The following SLC6A11 variants were observed in gnomAD, a reference collection of about 807,000 sequenced individuals.
SLC6A11 encodes sodium- and chloride-dependent GABA transporter 3.
In SLC6A11, 25 loss-of-function variants were observed where a neutral mutation model predicts 74.8. The observed-to-expected ratio is 0.33, with a 90% confidence interval of 0.24 to 0.47. The LOEUF is 0.47. SLC6A11 is among the 20% of genes least tolerant of loss of function. The probability of loss-of-function intolerance (pLI) is 1.00; values close to 1 mark genes in which losing one functional copy is unlikely to be tolerated. For synonymous variants in SLC6A11, 330 were observed against 330.2 expected, an observed-to-expected ratio of 1.00 and a Z score of 0.01; for missense variants, 574 against 837.0, an observed-to-expected ratio of 0.69 and a Z score of 3.88.
At chr3:10,869,386 C>T (rs1464334125) in intron 5 of SLC6A11, among the ~76,000 whole-genome samples, 1 of 152,204 alleles carries the variant, frequency 6.6e-6, no homozygotes, top group Non-Finnish European at 1.5e-5. Context: ...CCACTCTGAG[C>T]CTCGTCTTCC....
intron 9 of SLC6A11, 35 bp from the exon 10 acceptor site, chr3:10,929,167 C>A: frequency 6.2e-7 from 1 of 1,609,660 alleles, no homozygotes; most frequent in Non-Finnish European, 8.5e-7. Context: ...GCAGCCTTGT[C>A]CTTGAGTTTC....
At chr3:10,828,020 C>G (rs972917679) in intron 4 of SLC6A11, among the ~76,000 whole-genome samples, 1 of 152,164 alleles carries the variant, frequency 6.6e-6, no homozygotes, top group Non-Finnish European at 1.5e-5. Flanking sequence ...ATCCTCGTTT[C>G]CCTTAGTAAC....
chr3:10,907,304 A>C (rs1279428399), intron 6 of SLC6A11, among the ~76,000 whole-genome samples: 1 of 152,286 alleles, frequency 6.6e-6, no homozygotes, highest in East Asian at 1.9e-4. Context: ...GATATGACAA[A>C]GCAAACAGAA....
intron 4 of SLC6A11, among the ~76,000 whole-genome samples, chr3:10,839,882 G>A (rs1694415328): frequency 1.3e-5 from 2 of 152,160 alleles, no homozygotes; most frequent in South Asian, 2.1e-4. Context: ...TGAGCCTGGT[G>A]TCAGCCTAGC....
At chr3:10,888,680 T>C (rs2106614166) in intron 6 of SLC6A11, among the ~76,000 whole-genome samples, 1 of 152,314 alleles carries the variant, frequency 6.6e-6, no homozygotes, top group South Asian at 2.1e-4. Context: ...TGCTGTCTCA[T>C]AGAGGAGAGA....
In SLC6A11 at chr3:10,845,028, C is replaced by T. The variant is rs533028406; in HGVS notation, c.756+682C>T. On this transcript the variant is annotated intron_variant, in intron 5 of 13. Coordinates refer to ENST00000254488, the MANE Select transcript of SLC6A11 (RefSeq NM_014229.3). ...ACCATGGGGACATCTGGGGAGTGAG[C>T]ATGCTGTGCACTGCAAGGATCAGTA... 3.3e-5 allele frequency among the ~76,000 whole-genome samples: 5 copies of T among 152,294 alleles called. No individual in the cohort carries two copies. In the East Asian group the frequency reaches 9.6e-4, roughly 29 times the overall value.
At chr3:10,825,335 C>G (rs1476666717) in intron 4 of SLC6A11, 1 of 152,194 alleles carries the variant, frequency 6.6e-6, no homozygotes, top group East Asian at 1.9e-4. Context: ...TCACATTTCT[C>G]TAATTACTTG....
At chr3:10,882,479 A>G (rs990074822) in intron 6 of SLC6A11, among the ~76,000 whole-genome samples, 1 of 152,058 alleles carries the variant, frequency 6.6e-6, no homozygotes, top group African/African-American at 2.4e-5. Context: ...TTCTCCACCC[A>G]CTAGGATGTA....
At chr3:10,884,700 C>G (rs138950207) in intron 6 of SLC6A11, among the ~76,000 whole-genome samples, 70 of 152,308 alleles carry the variant, frequency 4.6e-4, no homozygotes, top group African/African-American at 1.7e-3. Flanking sequence ...TATGTGACAA[C>G]TTTGCAAGAA....
intron 6 of SLC6A11, among the ~76,000 whole-genome samples, chr3:10,910,075 G>A (rs1695366516): frequency 6.6e-6 from 1 of 152,082 alleles, no homozygotes; most frequent in African/African-American, 2.4e-5. Flanking sequence ...GGCATTACCT[G>A]CCTCTCCCTG....
chr3:10,935,265 A>T, intron 13 of SLC6A11, 66 bp downstream of exon 13: 1 of 1,468,562 alleles, frequency 6.8e-7, no homozygotes, highest in Non-Finnish European at 9.5e-7. Flanking sequence ...CAGTTTCCTC[A>T]TCTGCATGGT....
At chr3:10,877,263 A>G (rs1694920241) in intron 6 of SLC6A11, among the ~76,000 whole-genome samples, 1 of 152,176 alleles carries the variant, frequency 6.6e-6, no homozygotes, top group Non-Finnish European at 1.5e-5. Flanking sequence ...GATTACCTAC[A>G]TATTTGGTAA....
intron 4 of SLC6A11, among the ~76,000 whole-genome samples, chr3:10,841,076 A>T (rs1694431400): frequency 6.6e-6 from 1 of 152,182 alleles, no homozygotes; most frequent in African/African-American, 2.4e-5. Flanking sequence ...AGGGTGCTTC[A>T]TGAAGAATCT....
intron 6 of SLC6A11, among the ~76,000 whole-genome samples, 184 bp downstream of exon 6, chr3:10,875,279 C>T (rs987619853): frequency 2.6e-5 from 4 of 152,028 alleles, no homozygotes; most frequent in East Asian, 1.9e-4. Context: ...TTTGAAATAC[C>T]GTTACCAAAA....
intron 13 of SLC6A11, among the ~76,000 whole-genome samples, chr3:10,936,920 G>A (rs960007554): frequency 3.3e-5 from 5 of 152,190 alleles, no homozygotes; most frequent in East Asian, 3.9e-4. Context: ...GTCTGCCGAC[G>A]TGGACAGCAG....
chr3:10,844,440 G>A, intron 5 of SLC6A11, 94 bp downstream of exon 5: 1 of 1,497,386 alleles, frequency 6.7e-7, no homozygotes, highest in Non-Finnish European at 9.2e-7. Context: ...TGTTGCAGAG[G>A]CCAGCACTTA....
intron 5 of SLC6A11, among the ~76,000 whole-genome samples, chr3:10,850,457 A>G (rs182065514): frequency 3.9e-5 from 6 of 152,274 alleles, no homozygotes; most frequent in African/African-American, 1.4e-4. Context: ...GGGGCTTACC[A>G]TGGGGTAGAA....
At chr3:10,826,633 T>C (rs576268771) in intron 4 of SLC6A11, among the ~76,000 whole-genome samples, 1 of 152,350 alleles carries the variant, frequency 6.6e-6, no homozygotes, top group African/African-American at 2.4e-5. Context: ...TTACTTATCA[T>C]TGCCAGGCTA....
At chr3:10,854,538 G>A (rs964840473) in intron 5 of SLC6A11, among the ~76,000 whole-genome samples, 13 of 152,330 alleles carry the variant, frequency 8.5e-5, no homozygotes, top group African/African-American at 2.9e-4. Context: ...ACAGGCAGGC[G>A]TTGTGCTAAG....
Sources: allele counts gnomAD v4.1 joint callset (sites outside exome capture counted in the v4.1 genomes callset), GRCh38; gene constraint gnomAD v4.1.1; transcripts MANE v1.5; gene names NCBI Gene and HGNC (gene_info 2026-07-23, HGNC 2026-07-21).